IL37: variants seen among roughly 807,000 people sequenced by gnomAD.
IL37 encodes interleukin 37, also known as interleukin-37.
Under a neutral mutation model 15.4 loss-of-function variants are expected in IL37, and 15 were observed. That is an observed-to-expected ratio of 0.98 (90% CI 0.65 to 1.50). The LOEUF (loss-of-function observed/expected upper bound fraction) is 1.50. Among genes scored for constraint, IL37 ranks in the 40% most tolerant of loss-of-function variants. The pLI is 0.00. For missense variants in IL37, 269 were observed against 261.7 expected, an observed-to-expected ratio of 1.03 and a Z score of -0.19; for synonymous variants, 98 against 97.4, an observed-to-expected ratio of 1.01 and a Z score of -0.03.
intron 2 of IL37, among the ~76,000 whole-genome samples, chr2:112,913,515 C>T (rs1178372754): frequency 1.3e-5 from 2 of 152,118 alleles, no homozygotes; most frequent in African/African-American, 2.4e-5. Flanking sequence ...TTGGGTGTTG[C>T]CCATGGGGGA....
In IL37 at chr2:112,918,669, C is replaced by G; in HGVS notation, c.517C>G (p.Pro173Ala). The G allele has an allele frequency of 1.2e-6, 2 of 1,613,938 alleles. No individual in the cohort carries two copies. The highest frequency in any genetic ancestry group is 2.2e-5 in the East Asian group (1 of 44,860). ...GAACATGCTGGAGTCGGCGGCTCAC[C>G]CCGGATGGTTCATCTGCACCTCCTG... is the stretch of plus-strand genomic sequence containing the variant. ...SWNMLESAAH[P>A]GWFICTSCNC... The change falls in exon 6 of 6, where the codon CCC (proline) becomes GCC (alanine). Residue 173 changes from proline to alanine, a missense_variant. Coordinates refer to ENST00000263326, the MANE Select transcript of IL37 (RefSeq NM_014439.4).
chr2:112,911,410 C>A (rs1362623797), intron 1 of IL37, among the ~76,000 whole-genome samples, 162 bp downstream of exon 1: 11 of 152,178 alleles, frequency 7.2e-5, no homozygotes, highest in African/African-American at 2.7e-4. Context: ...GCTCTCAGCC[C>A]CAGTAGCAGC....
At chr2:112,914,646 T>G (rs1027478749) in intron 3 of IL37, among the ~76,000 whole-genome samples, 1 of 152,350 alleles carries the variant, frequency 6.6e-6, no homozygotes, top group Non-Finnish European at 1.5e-5. Context: ...TTACCTTTGA[T>G]GTTTTAGTTT....
At chr2:112,914,395 G>C in intron 3 of IL37, among the ~76,000 whole-genome samples, 1 of 152,158 alleles carries the variant, frequency 6.6e-6, no homozygotes, top group Non-Finnish European at 1.5e-5. Context: ...TGACAGATGT[G>C]GAAATTTAAA....
chr2:112,912,750 C>T (rs911376598), intron 1 of IL37, among the ~76,000 whole-genome samples: 2 of 152,166 alleles, frequency 1.3e-5, no homozygotes, highest in East Asian at 1.9e-4. Context: ...TATTGCACCC[C>T]GTGTGTTAGC....
rs1044462829 is a variant in IL37 at position 112,913,869 on chromosome 2, T to A, written c.145+15T>A. 2 of 1,607,242 alleles carry A rather than the reference T, an allele frequency of 1.2e-6. No homozygotes were observed. Among genetic ancestry groups the A allele is most frequent in the Non-Finnish European group, 1.7e-6 (2 of 1,175,550 alleles). On this transcript the variant is annotated intron_variant, in intron 3 of 5. Coordinates refer to ENST00000263326, the MANE Select transcript of IL37 (RefSeq NM_014439.4). ...TGTTCACACAAGTAAGGCCTCGGGG[T>A]GAGGTGATGGGGGTGGCTGAGGTGC...
chr2:112,917,277 G>A (rs377643684), intron 4 of IL37, 29 bp downstream of exon 4: 1 of 1,612,436 alleles, frequency 6.2e-7, no homozygotes, highest in Non-Finnish European at 8.5e-7. Context: ...TGTGTTTTCT[G>A]CCTCCACCTA....
At chr2:112,914,048 G>A (rs1356582733) in intron 3 of IL37, among the ~76,000 whole-genome samples, 194 bp downstream of exon 3, 1 of 152,158 alleles carries the variant, frequency 6.6e-6, no homozygotes, top group East Asian at 1.9e-4. Context: ...TGAGCCCGGG[G>A]AGGGGCAGGT....
At position 112,914,352 on chromosome 2, in the gene IL37, A is replaced by C. The variant is rs567022340; in HGVS notation, c.145+498A>C. Among the ~76,000 whole-genome samples the C allele has an allele frequency of 5.3e-5, 8 of 152,350 alleles. No homozygotes were observed. The East Asian group carries it at 7.7e-4, about 15-fold the overall frequency. On this transcript the variant is annotated intron_variant, in intron 3 of 5. Coordinates refer to ENST00000263326, the MANE Select transcript of IL37 (RefSeq NM_014439.4). ...GTGTGGAAACCGAGACAGACAGTGG[A>C]GATTCCCTGCCCTAGGTGACACAGG...
chr2:112,918,548 T>G lies in IL37; in HGVS notation c.409-13T>G, dbSNP rs560375860. The G allele has an allele frequency of 5.6e-6, 9 of 1,606,272 alleles. No individual in the cohort carries two copies. The highest frequency in any genetic ancestry group is 7.7e-6 in the Non-Finnish European group (9 of 1,176,398). ...AAGCCTGTGCTATCTAATTAATCCC[T>G]TTTACCTCACAGAAGGAGAAACTGA... On this transcript the variant is annotated splice_polypyrimidine_tract_variant and intron_variant, in intron 5 of 5. Transcript: ENST00000263326.
intron 1 of IL37, among the ~76,000 whole-genome samples, 178 bp downstream of exon 1, chr2:112,911,426 C>T (rs909517991): frequency 1.3e-5 from 2 of 152,206 alleles, no homozygotes; most frequent in African/African-American, 4.8e-5. Flanking sequence ...GCAGCCTGCT[C>T]TCTCCCAGGA....
Position 112,917,186 on chromosome 2 carries a change from A to G in IL37, c.203A>G (p.Lys68Arg), listed in dbSNP as rs1405301200. 1 of 1,613,926 alleles carries G rather than the reference A, an allele frequency of 6.2e-7. No homozygotes were observed. The part of the protein sequence containing the change: ...KKFSIHDQDH[K>R]VLVLDSGNLI... ...TTCAGCATTCATGACCAGGATCACA[A>G]AGTACTGGTCCTGGACTCTGGGAAT... Residue 68 changes from lysine (K) to arginine (R), a missense_variant, in exon 4 of 6, where the codon AAA (lysine) becomes AGA (arginine). Transcript: ENST00000263326.
chr2:112,918,409 G>C, intron 5 of IL37, 152 bp from the exon 6 acceptor site: 1 of 807,890 alleles, frequency 1.2e-6, no homozygotes, highest in Non-Finnish European at 1.9e-6. Flanking sequence ...TTAAATACCA[G>C]TACCAAGGCT....
chr2:112,918,645 A>G lies in IL37; in HGVS notation c.493A>G (p.Asn165Asp). ...TTATAGGGCTCAGGTGGGCTCCTGG[A>G]ACATGCTGGAGTCGGCGGCTCACCC... ...IFYRAQVGSW[N>D]MLESAAHPGW... Residue 165 changes from asparagine to aspartate, a missense_variant, in exon 6 of 6, where the codon AAC becomes GAC. By Grantham distance (23) the Asn-to-Asp change is conservative. Transcript: ENST00000263326. 1 of 1,614,132 alleles carries G rather than the reference A, an allele frequency of 6.2e-7. No homozygotes were observed. Among genetic ancestry groups the G allele is most frequent in the Non-Finnish European group, 8.5e-7 (1 of 1,180,036 alleles).
intron 3 of IL37, among the ~76,000 whole-genome samples, chr2:112,914,061 T>G (rs192603581): frequency 8.5e-5 from 13 of 152,196 alleles, no homozygotes; most frequent in Middle Eastern, 3.4e-3. Flanking sequence ...GGGCAGGTGA[T>G]GCTCACCTGC....
intron 2 of IL37, 145 bp downstream of exon 2, chr2:112,913,239 CAA>C: frequency 1.9e-6 from 1 of 523,308 alleles, no homozygotes; most frequent in Non-Finnish European, 3.3e-6. Flanking sequence ...AATAACTAGA[CAA>C]GAGAAATTCT....
chr2:112,915,100 T>C, intron 3 of IL37: 2 of 1,155,442 alleles, frequency 1.7e-6, no homozygotes, highest in South Asian at 1.3e-5. Context: ...ACCTTCAGAG[T>C]GGCCTTGAGA....
chr2:112,913,945 AATT>A, intron 3 of IL37, 91 bp downstream of exon 3: 1 of 994,670 alleles, frequency 1.0e-6, no homozygotes, highest in African/African-American at 1.5e-5. Context: ...AGGGTGGGAG[AATT>A]GTAGAATGGG....
chr2:112,913,748 A>G, intron 2 of IL37, 44 bp from the exon 3 acceptor site: 1 of 1,552,716 alleles, frequency 6.4e-7, no homozygotes, highest in South Asian at 1.1e-5. Flanking sequence ...AAATCCTTGG[A>G]AAATCCGAAT....
Sources: gnomAD v4.1 joint callset for allele counts (sites outside exome capture counted in the v4.1 genomes callset) on GRCh38, gnomAD v4.1.1 for gene constraint, MANE v1.5 for transcripts, NCBI Gene and HGNC (gene_info 2026-07-23, HGNC 2026-07-21) for gene names.